FRMD4A: variants seen among roughly 807,000 people sequenced by gnomAD.
FRMD4A encodes the protein FERM domain containing 4A.
Under a neutral mutation model 129.1 loss-of-function variants are expected in FRMD4A, and 29 were observed. That is an observed-to-expected ratio of 0.22 (90% CI 0.17 to 0.31). The LOEUF is 0.31. Ranked by LOEUF, FRMD4A falls within the 10% of genes least tolerant of loss-of-function variation. The probability of loss-of-function intolerance (pLI) is 1.00; values close to 1 mark genes in which losing one functional copy is unlikely to be tolerated. For missense variants in FRMD4A, 1,272 were observed against 1,375.8 expected (o/e 0.92, Z 1.19); for synonymous variants, 634 against 571.6 (o/e 1.11, Z -1.56).
chr10:14,122,452 G>T (rs1362760687), intron 2 of FRMD4A, among the ~76,000 whole-genome samples: 4 of 152,072 alleles, frequency 2.6e-5, no homozygotes, highest in Non-Finnish European at 4.4e-5. Context: ...AAAGAAAAGA[G>T]GTTTAATTGC....
In FRMD4A at chr10:14,094,920, T is replaced by G. The variant is rs563810812; in HGVS notation, c.45+235138A>C. On this transcript the variant is annotated intron_variant, in intron 2 of 24. Transcript: ENST00000357447. ...ATGCCTGTGTATGAATGTGTATGCT[T>G]GTGTGTGCCCATGTGTATGTATGTG... is the stretch of plus-strand genomic sequence containing the variant. Among the ~76,000 whole-genome samples, 51 of 152,148 alleles carry G rather than the reference T, an allele frequency of 3.4e-4. No homozygotes were observed. In the South Asian group the frequency reaches 4.0e-3, roughly 12 times the overall value.
intron 2 of FRMD4A, among the ~76,000 whole-genome samples, chr10:14,284,546 G>A (rs189181644): frequency 1.2e-4 from 19 of 152,226 alleles, no homozygotes; most frequent in African/African-American, 3.9e-4. Context: ...TCAGCTACTC[G>A]GGAGGCTGAG....
Position 13,698,086 on chromosome 10 carries a change from TGGAG to T in FRMD4A, c.975+3250_975+3253del, listed in dbSNP as rs11268822. The stretch of plus-strand genomic sequence containing the variant: ...TTGATGTATATGCATGGAGAGCTGA[TGGAG>T]GGAGGGAGGGAGAGACAGGCAGAGA... On this transcript the variant is annotated intron_variant, in intron 14 of 24. Coordinates refer to ENST00000357447, the MANE Select transcript of FRMD4A (RefSeq NM_018027.5). Among the ~76,000 whole-genome samples the T allele has an allele frequency of 2.0e-5, 3 of 149,032 alleles. No individual in the cohort carries two copies. The South Asian group carries it at 6.5e-4, about 32-fold the overall frequency.
At chr10:14,178,746 C>T (rs1337640888) in intron 2 of FRMD4A, among the ~76,000 whole-genome samples, 1 of 151,910 alleles carries the variant, frequency 6.6e-6, no homozygotes, top group Non-Finnish European at 1.5e-5. Flanking sequence ...GCACTCTCTG[C>T]TTGCAATTTA....
At position 14,014,763 on chromosome 10, in the gene FRMD4A, G is replaced by A. The variant is rs553314839; in HGVS notation, c.46-155851C>T. 3.3e-5 allele frequency among the ~76,000 whole-genome samples: 5 copies of A among 152,334 alleles called. No homozygotes were observed. The East Asian group carries it at 9.6e-4, about 29-fold the overall frequency. On this transcript the variant is annotated intron_variant, in intron 2 of 24. Transcript: ENST00000357447. Reference sequence around the variant, plus strand: ...CACCAGTGTGGGAAAGCTTTCTCTTGGTTTTACCTACGGTTTGCTCTGACA... The same window carrying A: ...CACCAGTGTGGGAAAGCTTTCTCTTAGTTTTACCTACGGTTTGCTCTGACA...
intron 2 of FRMD4A, among the ~76,000 whole-genome samples, chr10:14,113,958 C>T (rs746786155): frequency 1.3e-5 from 2 of 152,192 alleles, no homozygotes; most frequent in Non-Finnish European, 2.9e-5. Flanking sequence ...CCCATCCTAT[C>T]GCCAAGGATG....
chr10:13,835,211 C>T (rs1234464113), intron 3 of FRMD4A, among the ~76,000 whole-genome samples: 3 of 152,192 alleles, frequency 2.0e-5, no homozygotes, highest in Non-Finnish European at 4.4e-5. Flanking sequence ...TGAACCTCAG[C>T]AACCTACTTA....
intron 2 of FRMD4A, among the ~76,000 whole-genome samples, chr10:14,011,324 G>A (rs886240632): frequency 1.6e-4 from 24 of 152,186 alleles, no homozygotes; most frequent in African/African-American, 5.3e-4. Context: ...CACAGGGGAC[G>A]GAGGGGCTAA....
chr10:13,717,544 C>T (rs2088927731), intron 12 of FRMD4A, among the ~76,000 whole-genome samples: 2 of 151,294 alleles, frequency 1.3e-5, no homozygotes, highest in African/African-American at 4.9e-5. Flanking sequence ...GAACTCCTGA[C>T]TTCAAGTGAT....
rs11258717 is a variant in FRMD4A, at chr10:13,904,382, G to A, written c.46-45470C>T. 6.6e-4 allele frequency among the ~76,000 whole-genome samples: 100 copies of A among 152,240 alleles called. 1 individual carries two copies. The East Asian group carries it at 0.018, about 28-fold the overall frequency. On this transcript the variant is annotated intron_variant, in intron 2 of 24. Transcript: ENST00000357447. ...CTCACTCTTCCAGCTCCGCTCAGAC[G>A]CCTCATTCCCCGGGAAGCCTTCCCC...
rs191789345 is a variant in FRMD4A, at chr10:13,853,989, C to T, written c.111+4858G>A. Among the ~76,000 whole-genome samples the T allele has an allele frequency of 4.3e-4, 65 of 152,150 alleles. 2 individuals are homozygous for T. In the East Asian group the frequency reaches 0.012, roughly 28 times the overall value. ...GGCACTGGGCAGGCTCCCTGTGAGA[C>T]AGGATATCTACAGTCTCACAAGCCT... is the stretch of plus-strand genomic sequence containing the variant. On this transcript the variant is annotated intron_variant, in intron 3 of 24. Coordinates refer to ENST00000357447, the MANE Select transcript of FRMD4A (RefSeq NM_018027.5).
At chr10:14,276,877 A>T (rs570511140) in intron 2 of FRMD4A, among the ~76,000 whole-genome samples, 1 of 152,100 alleles carries the variant, frequency 6.6e-6, no homozygotes, top group East Asian at 1.9e-4. Flanking sequence ...TTAAGTATTT[A>T]TTTATTTGAG....
intron 2 of FRMD4A, among the ~76,000 whole-genome samples, chr10:13,934,438 G>C (rs567110713): frequency 1.3e-5 from 2 of 152,014 alleles, no homozygotes; most frequent in African/African-American, 4.8e-5. Flanking sequence ...AAAAGCAGGG[G>C]CTCAAAGTGT....
At chr10:13,897,631 G>A (rs1308304978) in intron 2 of FRMD4A, among the ~76,000 whole-genome samples, 1 of 152,154 alleles carries the variant, frequency 6.6e-6, no homozygotes, top group African/African-American at 2.4e-5. Flanking sequence ...ATGTGTCTTA[G>A]AATTAAACAT....
rs1408070959 is a variant in FRMD4A, at chr10:13,721,851, AC to A, written c.760-14739del. 2.0e-5 allele frequency among the ~76,000 whole-genome samples: 3 copies of A among 152,358 alleles called. No homozygotes were observed. In the East Asian group the frequency reaches 5.8e-4, roughly 29 times the overall value. On this transcript the variant is annotated intron_variant, in intron 12 of 24. Coordinates refer to ENST00000357447, the MANE Select transcript of FRMD4A (RefSeq NM_018027.5). ...AACTCAATTATGTCCTTAAAAATACACATGTGCATGCCTAAAAATACACACA... is the reference window on the plus strand; with the variant it reads ...AACTCAATTATGTCCTTAAAAATACAATGTGCATGCCTAAAAATACACACA...
intron 2 of FRMD4A, among the ~76,000 whole-genome samples, chr10:14,294,588 A>G (rs1424865360): frequency 6.6e-6 from 1 of 152,220 alleles, no homozygotes; most frequent in African/African-American, 2.4e-5. Flanking sequence ...GTGAAATGGA[A>G]GCCTGCAGTA....
chr10:14,075,828 C>A (rs895991335), intron 2 of FRMD4A, among the ~76,000 whole-genome samples: 1 of 152,108 alleles, frequency 6.6e-6, no homozygotes, highest in Admixed American at 6.5e-5. Context: ...CAAACCACAT[C>A]TGATGATATT....
chr10:13,929,009 C>T (rs1222506674), intron 2 of FRMD4A, among the ~76,000 whole-genome samples: 1 of 152,204 alleles, frequency 6.6e-6, no homozygotes, highest in African/African-American at 2.4e-5. Flanking sequence ...CTGAAAGTAA[C>T]CGGACACGCT....
At position 13,656,667 on chromosome 10, in the gene FRMD4A, G is replaced by C; in HGVS notation, c.2922C>G (p.Thr974=). ...TGGCCTTGCACATCTGGGGCATCCT[G>C]GTGACCCTGCTGTGCGCCACGAAGG... The part of the protein sequence containing the change: ...QSTFVAHSRV[T]RMPQMCKATS... The change falls in exon 22 of 25, where the codon ACC becomes ACG. Residue 974 remains threonine (T), a synonymous_variant. Transcript: ENST00000357447. 1 of 1,512,990 alleles carries C rather than the reference G, an allele frequency of 6.6e-7. No homozygotes were observed. The highest frequency in any genetic ancestry group is 1.3e-5 in the South Asian group (1 of 77,964). 93.7% of individuals were successfully genotyped at this position (1,512,990 alleles called of 1,614,324 possible). A position where few individuals can be genotyped will look rare whatever the true frequency, so the allele number is the denominator to read the frequency against.
Sources: allele counts gnomAD v4.1 joint callset (sites outside exome capture counted in the v4.1 genomes callset), GRCh38; gene constraint gnomAD v4.1.1; transcripts MANE v1.5; gene names NCBI Gene and HGNC (gene_info 2026-07-23, HGNC 2026-07-21).